VWA3A: variants seen among roughly 807,000 people sequenced by gnomAD.
VWA3A encodes von Willebrand factor A domain-containing protein 3A.
In VWA3A, 134 loss-of-function variants were observed where a neutral mutation model predicts 160.4. That is an observed-to-expected ratio of 0.84 (90% CI 0.73 to 0.96). VWA3A has a LOEUF of 0.96. Among genes scored for constraint, VWA3A ranks in the 40% least tolerant of loss-of-function variants. The probability of loss-of-function intolerance (pLI) is 0.00; values close to 1 mark genes in which losing one functional copy is unlikely to be tolerated. For missense variants in VWA3A, 1,310 were observed against 1,447.9 expected, an observed-to-expected ratio of 0.90 and a Z score of 1.55; for synonymous variants, 476 against 543.4, an observed-to-expected ratio of 0.88 and a Z score of 1.72.
At chr16:22,125,580 C>G (rs1238486008) in intron 16 of VWA3A, among the ~76,000 whole-genome samples, 1 of 151,904 alleles carries the variant, frequency 6.6e-6, no homozygotes, top group East Asian at 2.0e-4. Flanking sequence ...CCCGCCACCA[C>G]GCTCGGCTAA....
In VWA3A at chr16:22,123,488, T is replaced by A. The variant is rs148714969; in HGVS notation, c.1438-125T>A. The A allele has an allele frequency of 4.2e-4, 662 of 1,586,102 alleles. 3 individuals carry two copies. The highest frequency in any genetic ancestry group is 2.8e-3 in the Middle Eastern group (17 of 6,044). ...TCATGATTTAGTGGAATGATTATAC[T>A]GCCTGGATTCCCAGGGACTTGACAC... On this transcript the variant is annotated intron_variant, in intron 15 of 33. Coordinates refer to ENST00000389398, the MANE Select transcript of VWA3A (RefSeq NM_173615.5).
At chr16:22,134,023 G>T (rs1008548852) in intron 20 of VWA3A, among the ~76,000 whole-genome samples, 2 of 152,012 alleles carry the variant, frequency 1.3e-5, no homozygotes, top group Admixed American at 1.3e-4. Flanking sequence ...GAGTGCAGTG[G>T]TGCCATCATA....
At chr16:22,152,780 C>A in intron 31 of VWA3A, 146 bp downstream of exon 31, 5 of 1,219,088 alleles carry the variant, frequency 4.1e-6, no homozygotes, top group Non-Finnish European at 5.6e-6. Context: ...AGGCATGAGC[C>A]ACCACGCCCA....
intron 31 of VWA3A, among the ~76,000 whole-genome samples, chr16:22,154,323 C>CTTTTTTTTT (rs988862954): frequency 1.1e-4 from 8 of 73,902 alleles, no homozygotes; most frequent in Non-Finnish European, 1.6e-4. Context: ...TTTTCTTTTT[C>CTTTTTTTTT]TTTTTTTTTT....
rs2046440392 is a variant in VWA3A at position 22,156,345 on chromosome 16, C to G, written c.*328C>G. The G allele has an allele frequency of 5.3e-6, 1 of 188,218 alleles. No individual in the cohort carries two copies. Among genetic ancestry groups the G allele is most frequent in the South Asian group, 1.1e-4 (1 of 8,958 alleles). The allele number at this position is 188,218 out of a possible 1,614,324, so 11.7% of individuals were successfully genotyped here. ...CCTGCCTGAACGGTGCTTCTTGCCC[C>G]CTCTGCCTGGAGACTCCTGCTCATC... On this transcript the variant is annotated 3_prime_UTR_variant, in exon 34 of 34. Coordinates refer to ENST00000389398, the MANE Select transcript of VWA3A (RefSeq NM_173615.5).
Position 22,100,200 on chromosome 16 carries a change from C to T in VWA3A, c.232C>T (p.Gln78Ter). 1 of 1,546,452 alleles carries T rather than the reference C, an allele frequency of 6.5e-7. No homozygotes were observed. Among genetic ancestry groups the T allele is most frequent in the Non-Finnish European group, 8.7e-7 (1 of 1,145,258 alleles). The change falls in exon 4 of 34, where the codon CAG becomes TAG. Residue 78 changes from glutamine to a stop codon, truncating the protein, a stop_gained. Transcript: ENST00000389398. LOFTEE classifies it high-confidence loss of function. ...VNQTQDLLRL[Q>*]GSETQSSDWE... is the part of the protein sequence containing the mutation. Reference sequence around the variant, plus strand: ...TCTGGCTTTTGTCTTGCAGAGGCTGCAGGGGAGTGAGACCCAGTCTTCAGA... The same window carrying T: ...TCTGGCTTTTGTCTTGCAGAGGCTGTAGGGGAGTGAGACCCAGTCTTCAGA...
intron 17 of VWA3A, among the ~76,000 whole-genome samples, chr16:22,127,603 A>C (rs2045873280): frequency 6.6e-6 from 1 of 152,224 alleles, no homozygotes; most frequent in Non-Finnish European, 1.5e-5. Context: ...ACCAGAGCCC[A>C]GTCATTCCTT....
chr16:22,129,066 CT>C (rs1173350688), intron 17 of VWA3A, among the ~76,000 whole-genome samples: 1 of 152,010 alleles, frequency 6.6e-6, no homozygotes, highest in Non-Finnish European at 1.5e-5. Flanking sequence ...ACACGTACCC[CT>C]GAGCCCAAAA....
chr16:22,109,807 C>T (rs1012937469), intron 7 of VWA3A, among the ~76,000 whole-genome samples: 6 of 152,230 alleles, frequency 3.9e-5, no homozygotes, highest in East Asian at 3.8e-4. Context: ...ATTCTCACCA[C>T]GACAGTACCT....
chr16:22,117,421 G>A (rs148661306), intron 11 of VWA3A, among the ~76,000 whole-genome samples: 2 of 152,312 alleles, frequency 1.3e-5, no homozygotes, highest in East Asian at 3.9e-4. Context: ...GATTGAATGC[G>A]TGGGAGCCCA....
chr16:22,134,139 A>AT (rs990591263), intron 20 of VWA3A, among the ~76,000 whole-genome samples: 16 of 151,202 alleles, frequency 1.1e-4, no homozygotes, highest in East Asian at 3.9e-4. Flanking sequence ...AATTTTTTAA[A>AT]TTTTTTTTTA....
intron 5 of VWA3A, among the ~76,000 whole-genome samples, chr16:22,102,336 G>A (rs1012422068): frequency 9.9e-5 from 15 of 151,612 alleles, no homozygotes; most frequent in African/African-American, 2.9e-4. Context: ...GGGCAACAGA[G>A]TGAGACCCTG....
intron 23 of VWA3A, 79 bp from the exon 24 acceptor site, chr16:22,141,503 G>A (rs919030377): frequency 1.9e-5 from 25 of 1,344,062 alleles, no homozygotes; most frequent in Non-Finnish European, 2.6e-5. Flanking sequence ...CTGAACTTGA[G>A]TGTCTCTAAG....
At chr16:22,108,896 G>A (rs2045516154) in intron 6 of VWA3A, among the ~76,000 whole-genome samples, 1 of 152,174 alleles carries the variant, frequency 6.6e-6, no homozygotes, top group Admixed American at 6.5e-5. Flanking sequence ...AGTAATAACT[G>A]TAGAGTAATA....
Position 22,100,408 on chromosome 16 carries a change from T to C in VWA3A, c.351-8T>C, listed in dbSNP as rs891387058. 6.4e-7 allele frequency: 1 copy of C among 1,551,556 alleles called. No individual in the cohort carries two copies. Among genetic ancestry groups the C allele is most frequent in the African/African-American group, 1.4e-5 (1 of 73,028 alleles). ...GAGAGATCCCCTCATAAGGCTTTGC[T>C]TCTTCAGGGAGGAGGGCACCAATGT... On this transcript the variant is annotated splice_polypyrimidine_tract_variant and splice_region_variant and intron_variant, in intron 4 of 33. Coordinates refer to ENST00000389398, the MANE Select transcript of VWA3A (RefSeq NM_173615.5).
chr16:22,116,422 GGAAA>G (rs2045648902), intron 9 of VWA3A: 21 of 430,188 alleles, frequency 4.9e-5, no homozygotes, highest in Middle Eastern at 1.3e-3. Flanking sequence ...AAAGGAAAAA[GGAAA>G]GAGAGAGGAA....
chr16:22,155,793 G>A (rs2046430792), intron 32 of VWA3A, 58 bp from the exon 33 acceptor site: 2 of 1,612,450 alleles, frequency 1.2e-6, no homozygotes, highest in Non-Finnish European at 8.5e-7. Context: ...GCTTCTCCCA[G>A]CCAGCCCAGA....
rs1211274725 is a variant in VWA3A, at chr16:22,123,647, G to A, written c.1472G>A (p.Arg491Lys). ...QLSRAMRMYE[R>K]RIEWLSLASR... is the part of the protein sequence containing the mutation. ...AGCAGAGCTATGCGGATGTATGAGA[G>A]GCGGATTGAGTGGCTCTCCCTGGCC... The change falls in exon 16 of 34, where the codon AGG (arginine) becomes AAG (lysine). Residue 491 changes from arginine to lysine, a missense_variant. Transcript: ENST00000389398. 1.2e-6 allele frequency: 2 copies of A among 1,613,870 alleles called. No individual in the cohort carries two copies. Among genetic ancestry groups the A allele is most frequent in the African/African-American group, 1.3e-5 (1 of 74,928 alleles).
chr16:22,143,291 C>T (rs2046187079), intron 25 of VWA3A, among the ~76,000 whole-genome samples: 2 of 152,156 alleles, frequency 1.3e-5, no homozygotes, highest in African/African-American at 4.8e-5. Context: ...CCTAGCTATA[C>T]TCAATCTCAC....
Sources: gnomAD v4.1 joint callset for allele counts (sites outside exome capture counted in the v4.1 genomes callset) on GRCh38, gnomAD v4.1.1 for gene constraint, MANE v1.5 for transcripts, NCBI Gene and HGNC (gene_info 2026-07-23, HGNC 2026-07-21) for gene names.